The following HTR4 variants were observed in gnomAD, a reference collection of about 807,000 sequenced individuals.
The protein encoded by HTR4 is 5-hydroxytryptamine receptor 4.
Under a neutral mutation model 36.8 loss-of-function variants are expected in HTR4, and 16 were observed. That is an observed-to-expected ratio of 0.43 (90% CI 0.29 to 0.66). The LOEUF (loss-of-function observed/expected upper bound fraction) is 0.66, where lower values mean the gene tolerates loss of function less well. Ranked by LOEUF, HTR4 falls within the 30% of genes least tolerant of loss-of-function variation. The pLI, the probability that HTR4 is intolerant of heterozygous loss-of-function variation, is 0.13. For synonymous variants in HTR4, 189 were observed against 185.1 expected (o/e 1.02, Z -0.17); for missense variants, 438 against 490.9 (o/e 0.89, Z 1.02).
intron 5 of HTR4, among the ~76,000 whole-genome samples, chr5:148,468,085 G>A (rs1300687122): frequency 6.6e-6 from 1 of 152,232 alleles, no homozygotes; most frequent in African/African-American, 2.4e-5. Context: ...TAGAGCTGAG[G>A]TAGGTCACAG....
At chr5:148,651,737 T>G (rs1754045827) in intron 1 of HTR4, among the ~76,000 whole-genome samples, 1 of 147,672 alleles carries the variant, frequency 6.8e-6, no homozygotes, top group Non-Finnish European at 1.5e-5. Flanking sequence ...ATAAAAATAT[T>G]CAATAATAAT....
intron 6 of HTR4, among the ~76,000 whole-genome samples, chr5:148,504,485 T>A (rs1581392836): frequency 1.3e-5 from 2 of 152,320 alleles, no homozygotes; most frequent in Middle Eastern, 6.8e-3. Context: ...CTGGGACACA[T>A]TTAAAGCAGT....
chr5:148,509,581 C>T lies in HTR4; in HGVS notation c.951G>A (p.Lys317=), dbSNP rs1477651900. 3 of 1,614,036 alleles carry T rather than the reference C, an allele frequency of 1.9e-6. No homozygotes were observed. The South Asian group carries it at 3.3e-5, about 18-fold the overall frequency. The change falls in exon 6 of 7, where the codon AAG becomes AAA. Residue 317 remains lysine, a synonymous_variant. Transcript: ENST00000377888. ...LNPFLYAFLN[K]SFRRAFLIIL... ...TGATGAGGAAGGCACGTCTAAAAGACTTATTCAAGAAGGCGTAGAGAAAAG... is the reference window on the plus strand; with the variant it reads ...TGATGAGGAAGGCACGTCTAAAAGATTTATTCAAGAAGGCGTAGAGAAAAG...
chr5:148,474,993 C>T (rs141619556), downstream of HTR4, among the ~76,000 whole-genome samples: 112 of 151,682 alleles, frequency 7.4e-4, no homozygotes, highest in African/African-American at 2.4e-3. Flanking sequence ...TGCAGTGAGC[C>T]GAGATGGCGC....
chr5:148,592,222 G>C (rs932651712), intron 2 of HTR4, among the ~76,000 whole-genome samples: 1 of 152,062 alleles, frequency 6.6e-6, no homozygotes, highest in African/African-American at 2.4e-5. Flanking sequence ...ACAAACACTG[G>C]AATCTACTTG....
intron 1 of HTR4, among the ~76,000 whole-genome samples, chr5:148,647,963 T>C: frequency 6.6e-6 from 1 of 152,210 alleles, no homozygotes; most frequent in Non-Finnish European, 1.5e-5. Context: ...TCACCTGTCT[T>C]GGTTTGTTTC....
intron 2 of HTR4, among the ~76,000 whole-genome samples, chr5:148,634,669 A>T (rs1753461439): frequency 6.6e-6 from 1 of 152,172 alleles, no homozygotes; most frequent in Non-Finnish European, 1.5e-5. Context: ...AAAGAAAAAA[A>T]ACAAAAAGAT....
chr5:148,609,723 G>A (rs932351162), intron 2 of HTR4, among the ~76,000 whole-genome samples: 1 of 151,848 alleles, frequency 6.6e-6, no homozygotes, highest in Non-Finnish European at 1.5e-5. Context: ...CCACCACCAT[G>A]CCCGGCTAAT....
At chr5:148,508,875 T>C (rs1043867531) in intron 6 of HTR4, among the ~76,000 whole-genome samples, 32 of 152,232 alleles carry the variant, frequency 2.1e-4, no homozygotes, top group African/African-American at 6.5e-4. Flanking sequence ...ATATTATCTC[T>C]ACTCATCAGA....
chr5:148,638,289 C>T (rs562770346), intron 1 of HTR4, among the ~76,000 whole-genome samples: 1 of 152,346 alleles, frequency 6.6e-6, no homozygotes, highest in South Asian at 2.1e-4. Flanking sequence ...ACTCTGAGCC[C>T]CCTCCCCTAA....
At chr5:148,502,113 C>A (rs1265517913) in intron 6 of HTR4, among the ~76,000 whole-genome samples, 1 of 151,732 alleles carries the variant, frequency 6.6e-6, no homozygotes, top group Admixed American at 6.6e-5. Flanking sequence ...ACTCTGCAGA[C>A]TTAAATGTCC....
intron 2 of HTR4, among the ~76,000 whole-genome samples, chr5:148,604,255 T>A (rs780965294): frequency 1.3e-5 from 2 of 152,136 alleles, no homozygotes; most frequent in Non-Finnish European, 2.9e-5. Flanking sequence ...GCAACATGCG[T>A]ATCTGAAAAA....
At chr5:148,459,906 A>G (rs950046461) in intron 5 of HTR4, among the ~76,000 whole-genome samples, 3 of 152,296 alleles carry the variant, frequency 2.0e-5, no homozygotes, top group South Asian at 2.1e-4. Flanking sequence ...AAAGTAGATG[A>G]CATGCAAGAA....
chr5:148,614,814 T>C (rs1015310906), intron 2 of HTR4, among the ~76,000 whole-genome samples: 1 of 152,082 alleles, frequency 6.6e-6, no homozygotes, highest in African/African-American at 2.4e-5. Context: ...GAATCTACAA[T>C]GAATTCAAAC....
At chr5:148,520,701 T>C (rs1400823829) in intron 5 of HTR4, among the ~76,000 whole-genome samples, 1 of 152,212 alleles carries the variant, frequency 6.6e-6, no homozygotes, top group Non-Finnish European at 1.5e-5. Context: ...GGGGGCTTCA[T>C]ACATACATAG....
At chr5:148,514,656 C>A (rs1757649916) in intron 5 of HTR4, among the ~76,000 whole-genome samples, 1 of 152,076 alleles carries the variant, frequency 6.6e-6, no homozygotes, top group Admixed American at 6.6e-5. Flanking sequence ...GAATAGACAC[C>A]TATATGATAT....
intron 2 of HTR4, among the ~76,000 whole-genome samples, chr5:148,598,219 A>G (rs1761854162): frequency 6.6e-6 from 1 of 152,064 alleles, no homozygotes; most frequent in Non-Finnish European, 1.5e-5. Context: ...GTTGGTGGTA[A>G]AGAAATGAGA....
chr5:148,482,357 G>C lies in HTR4; in HGVS notation c.*846C>G. The C allele has an allele frequency of 2.0e-6, 2 of 985,506 alleles. No homozygotes were observed. Among genetic ancestry groups the C allele is most frequent in the Non-Finnish European group, 2.4e-6 (2 of 830,004 alleles). The allele number at this position is 985,506 out of a possible 1,614,324, so 61.0% of individuals were successfully genotyped here. A position where few individuals can be genotyped will look rare whatever the true frequency, so the allele number is the denominator to read the frequency against. On this transcript the variant is annotated 3_prime_UTR_variant, in exon 7 of 7. Coordinates refer to ENST00000377888, the MANE Select transcript of HTR4 (RefSeq NM_000870.7). ...TACGATGTTGCTAGCCCTGCCCAAGGCTTTTTAGAAGACGTCCCGTTCTAG... is the reference window on the plus strand; with the variant it reads ...TACGATGTTGCTAGCCCTGCCCAAGCCTTTTTAGAAGACGTCCCGTTCTAG...
intron 5 of HTR4, among the ~76,000 whole-genome samples, chr5:148,461,072 A>G (rs1245612492): frequency 2.0e-5 from 3 of 152,026 alleles, no homozygotes; most frequent in Admixed American, 1.3e-4. Context: ...TAGTTATTAA[A>G]TATGTTTTCC....
Sources: gnomAD v4.1 joint callset for allele counts (sites outside exome capture counted in the v4.1 genomes callset) on GRCh38, gnomAD v4.1.1 for gene constraint, MANE v1.5 for transcripts, NCBI Gene and HGNC (gene_info 2026-07-23, HGNC 2026-07-21) for gene names.